USP13: variants seen among roughly 807,000 people sequenced by gnomAD.
The protein encoded by USP13 is ubiquitin carboxyl-terminal hydrolase 13.
USP13 carries 68 observed loss-of-function variants against 107.8 expected under a neutral mutation model. That is an observed-to-expected ratio of 0.63 (90% CI 0.52 to 0.77). The LOEUF is 0.77. Among genes scored for constraint, USP13 ranks in the 30% least tolerant of loss-of-function variants. The pLI, the probability that USP13 is intolerant of heterozygous loss-of-function variation, is 0.00. For synonymous variants in USP13, 377 were observed against 389.5 expected (o/e 0.97, Z 0.38); for missense variants, 945 against 1,093.3 (o/e 0.86, Z 1.91).
intron 19 of USP13, among the ~76,000 whole-genome samples, chr3:179,772,684 T>G (rs1715377299): frequency 6.6e-6 from 1 of 152,222 alleles, no homozygotes. Context: ...GCGGTGCTGT[T>G]GAAAGTTAAG....
At chr3:179,769,026 C>G (rs1239533625) in intron 19 of USP13, among the ~76,000 whole-genome samples, 8 of 152,098 alleles carry the variant, frequency 5.3e-5, no homozygotes. Context: ...GCAATAATGA[C>G]AAAATAATGT....
intron 1 of USP13, among the ~76,000 whole-genome samples, chr3:179,654,717 A>G (rs755002680): frequency 4.6e-5 from 7 of 152,198 alleles, no homozygotes; most frequent in African/African-American, 1.4e-4. Flanking sequence ...CATGTGGACT[A>G]TTGTCAGAGG....
intron 19 of USP13, among the ~76,000 whole-genome samples, chr3:179,773,936 T>A (rs1715417029): frequency 2.0e-5 from 3 of 152,166 alleles, no homozygotes; most frequent in African/African-American, 7.2e-5. Flanking sequence ...AGATCTTTAA[T>A]CAGTAGTGTG....
In USP13 at chr3:179,728,351, A is replaced by G. The variant is rs1420524219; in HGVS notation, c.1089-1838A>G. On this transcript the variant is annotated intron_variant, in intron 8 of 20. Coordinates refer to ENST00000263966, the MANE Select transcript of USP13 (RefSeq NM_003940.3). ...CTCCTCACATCCCGGACGGGGCGGC[A>G]GGGCAGAGGTGCTCCCCACATCTCA... 7.3e-5 allele frequency among the ~76,000 whole-genome samples: 10 copies of G among 137,248 alleles called. 1 individual carries two copies. The highest frequency in any genetic ancestry group is 5.0e-4 in the Admixed American group (7 of 13,934). 90.0% of individuals were successfully genotyped at this position (137,248 alleles called of 152,430 possible). A position where few individuals can be genotyped will look rare whatever the true frequency, so the allele number is the denominator to read the frequency against.
At chr3:179,685,548 C>T (rs1711838127) in intron 2 of USP13, among the ~76,000 whole-genome samples, 1 of 151,588 alleles carries the variant, frequency 6.6e-6, no homozygotes, top group Non-Finnish European at 1.5e-5. Flanking sequence ...GATTTCCACT[C>T]ACTAATTCTG....
In USP13 at chr3:179,775,513, C is replaced by T. The variant is rs374666854; in HGVS notation, c.2414-6226C>T. 3.5e-4 allele frequency among the ~76,000 whole-genome samples: 53 copies of T among 152,400 alleles called. 1 individual carries two copies. The highest frequency in any genetic ancestry group is 9.6e-4 in the African/African-American group (40 of 41,610). ...AGCTGCCCGCCAGTTCCGCGCCACG[C>T]GCCTGCACTCCTCAGCCCTTGGGCG... On this transcript the variant is annotated intron_variant, in intron 19 of 20. Coordinates refer to ENST00000263966, the MANE Select transcript of USP13 (RefSeq NM_003940.3).
In USP13 at chr3:179,730,227, C is replaced by G; in HGVS notation, c.1127C>G (p.Pro376Arg). The change falls in exon 9 of 21, where the codon CCT becomes CGT. Residue 376 changes from proline to arginine, a missense_variant. By Grantham distance (103) the Pro-to-Arg change is moderately radical (BLOSUM62 -2). Coordinates refer to ENST00000263966, the MANE Select transcript of USP13 (RefSeq NM_003940.3). ...GNLPRIFDYS[P>R]LDPTQDFNTQ... ...CTTCCCAGAATATTTGACTACTCGCCTTTAGATCCAACACAAGATTTCAAC... is the reference window on the plus strand; with the variant it reads ...CTTCCCAGAATATTTGACTACTCGCGTTTAGATCCAACACAAGATTTCAAC... 6.2e-7 allele frequency: 1 copy of G among 1,613,296 alleles called. No individual in the cohort carries two copies. The highest frequency in any genetic ancestry group is 2.2e-5 in the East Asian group (1 of 44,852).
At chr3:179,720,100 C>A in intron 7 of USP13, 66 bp downstream of exon 7, 1 of 1,205,166 alleles carries the variant, frequency 8.3e-7, no homozygotes, top group Non-Finnish European at 1.2e-6. Context: ...GGCAAGGGAA[C>A]TGCTTGATTT....
intron 19 of USP13, among the ~76,000 whole-genome samples, chr3:179,778,078 GA>G: frequency 6.6e-6 from 1 of 152,104 alleles, no homozygotes; most frequent in East Asian, 1.9e-4. Flanking sequence ...TCAAACCTGG[GA>G]TTTTTTTCTT....
At position 179,684,180 on chromosome 3, in the gene USP13, C is replaced by T. The variant is rs1387289344; in HGVS notation, c.294+2177C>T. On this transcript the variant is annotated intron_variant, in intron 2 of 20. Transcript: ENST00000263966. Reference sequence around the variant, plus strand: ...TTCACCATGTTGGCCAGGATGGTCTCGCTATCTCGACCTCATGATCCGCCC... The same window carrying T: ...TTCACCATGTTGGCCAGGATGGTCTTGCTATCTCGACCTCATGATCCGCCC... Among the ~76,000 whole-genome samples the T allele has an allele frequency of 5.9e-5, 9 of 151,712 alleles. No individual in the cohort carries two copies. In the East Asian group the frequency reaches 7.8e-4, roughly 13 times the overall value.
At chr3:179,717,905 G>A (rs1347462092) in intron 6 of USP13, among the ~76,000 whole-genome samples, 2 of 151,990 alleles carry the variant, frequency 1.3e-5, no homozygotes, top group Admixed American at 1.3e-4. Context: ...ATGGGCCTCT[G>A]GGGGAAGAGG....
chr3:179,770,236 T>A (rs962265181), intron 19 of USP13, among the ~76,000 whole-genome samples: 1 of 152,206 alleles, frequency 6.6e-6, no homozygotes, highest in Non-Finnish European at 1.5e-5. Context: ...CACTTTACAA[T>A]ATTGAGTTTT....
intron 14 of USP13, 76 bp downstream of exon 14, chr3:179,752,449 T>C (rs1238683894): frequency 4.7e-6 from 5 of 1,065,714 alleles, no homozygotes; most frequent in African/African-American, 1.6e-5. Flanking sequence ...AAAGAGCCCA[T>C]GTAGTTGGCT....
intron 19 of USP13, among the ~76,000 whole-genome samples, chr3:179,766,055 C>G (rs1022612188): frequency 6.6e-6 from 1 of 151,848 alleles, no homozygotes; most frequent in Non-Finnish European, 1.5e-5. Context: ...TCTCGGCTCA[C>G]TGCAACCTCC....
At chr3:179,659,915 G>A (rs1181707251) in intron 1 of USP13, among the ~76,000 whole-genome samples, 5 of 152,038 alleles carry the variant, frequency 3.3e-5, no homozygotes, top group Non-Finnish European at 7.4e-5. Flanking sequence ...GGTAGCGGGC[G>A]CCTGTAGTCC....
At chr3:179,778,770 G>GAA (rs138909432) in intron 19 of USP13, among the ~76,000 whole-genome samples, 2 of 133,632 alleles carry the variant, frequency 1.5e-5, no homozygotes, top group Non-Finnish European at 3.3e-5. Flanking sequence ...CCGTCTCAAA[G>GAA]AAAAAAAAAA....
At chr3:179,655,327 T>A (rs1720218760) in intron 1 of USP13, among the ~76,000 whole-genome samples, 1 of 152,150 alleles carries the variant, frequency 6.6e-6, no homozygotes, top group South Asian at 2.1e-4. Flanking sequence ...CCACAAATAG[T>A]TATTGGGAGC....
chr3:179,685,084 A>G (rs1253261458), intron 2 of USP13, among the ~76,000 whole-genome samples: 1 of 151,926 alleles, frequency 6.6e-6, no homozygotes, highest in African/African-American at 2.4e-5. Context: ...TATTTAACAT[A>G]TCGTACCTCT....
chr3:179,771,570 A>G (rs1457141507), intron 19 of USP13, among the ~76,000 whole-genome samples: 3 of 152,234 alleles, frequency 2.0e-5, no homozygotes, highest in Non-Finnish European at 2.9e-5. Flanking sequence ...GTGTTTTAAC[A>G]GGACATCCAG....
Sources: allele counts gnomAD v4.1 joint callset (sites outside exome capture counted in the v4.1 genomes callset), GRCh38; gene constraint gnomAD v4.1.1; transcripts MANE v1.5; gene names NCBI Gene and HGNC (gene_info 2026-07-23, HGNC 2026-07-21).